Variants in TNNI3 observed in about 807,000 individuals in gnomAD.
The protein encoded by TNNI3 is troponin I, cardiac muscle.
TNNI3 carries 23 observed loss-of-function variants against 31.5 expected under a neutral mutation model. The observed-to-expected ratio is 0.73, with a 90% CI of 0.52 to 1.03. TNNI3 has a LOEUF of 1.03. TNNI3 is among the 50% of genes least tolerant of loss of function. The pLI, the probability that TNNI3 is intolerant of heterozygous loss-of-function variation, is 0.00. For synonymous variants in TNNI3, 120 were observed against 111.7 expected, an observed-to-expected ratio of 1.07 and a Z score of -0.47; for missense variants, 236 against 282.9, an observed-to-expected ratio of 0.83 and a Z score of 1.19.
In TNNI3 at chr19:55,157,541, G is replaced by A; in HGVS notation, c.11+38C>T. 3 of 1,612,668 alleles carry A rather than the reference G, an allele frequency of 1.9e-6. No individual in the cohort carries two copies. The highest frequency in any genetic ancestry group is 1.1e-5 in the South Asian group (1 of 90,952). ...GCGACCCCTCTTGGGAACCCGGGAG[G>A]TCGCCCCCAACTCCCACTGCCTTGG... On this transcript the variant is annotated intron_variant, in intron 1 of 7. Transcript: ENST00000344887. The surrounding 1 kb of genome is among the most constrained non-coding windows in gnomAD (Gnocchi z 6.3).
At chr19:55,155,486 G>C (rs1259915816) in intron 5 of TNNI3, among the ~76,000 whole-genome samples, 1 of 85,276 alleles carries the variant, frequency 1.2e-5, no homozygotes, top group Non-Finnish European at 2.4e-5. Flanking sequence ...GGGTCTGAGG[G>C]AGGAGGGGCT....
intron 7 of TNNI3, among the ~76,000 whole-genome samples, chr19:55,153,413 T>A (rs2085705559): frequency 6.6e-6 from 1 of 152,064 alleles, no homozygotes. Flanking sequence ...CTCACTGTAT[T>A]GCCCAGGCTG....
chr19:55,153,752 A>AATAAAAAAAATTTTTTT (rs2085708157), intron 7 of TNNI3, among the ~76,000 whole-genome samples: 1 of 152,070 alleles, frequency 6.6e-6, no homozygotes, highest in African/African-American at 2.4e-5. Flanking sequence ...AAAAAAGGAA[A>AATAAAAAAAATTTTTTT]TTAAAAAAAA....
chr19:55,154,533 A>T (rs982000422), intron 6 of TNNI3: 2 of 647,158 alleles, frequency 3.1e-6, no homozygotes, highest in African/African-American at 3.6e-5. Flanking sequence ...TTCCCAACCC[A>T]TGGCCTTGCA....
In TNNI3 at chr19:55,157,173, C is replaced by T; in HGVS notation, c.25-40G>A. ...GTGGGGACCCCATCACCACCAAGACCCCACCCAGCCCTTACCGTACCGCAC... is the reference window on the plus strand; with the variant it reads ...GTGGGGACCCCATCACCACCAAGACTCCACCCAGCCCTTACCGTACCGCAC... On this transcript the variant is annotated intron_variant, in intron 2 of 7. Transcript: ENST00000344887. This position sits in a 1 kb window ranked among gnomAD's most constrained non-coding sequence, Gnocchi z 6.3. 1 of 1,588,988 alleles carries T rather than the reference C, an allele frequency of 6.3e-7. No homozygotes were observed. Among genetic ancestry groups the T allele is most frequent in the Non-Finnish European group, 8.6e-7 (1 of 1,168,908 alleles).
intron 7 of TNNI3, among the ~76,000 whole-genome samples, chr19:55,153,411 A>C (rs1461749929): frequency 6.6e-6 from 1 of 150,476 alleles, no homozygotes; most frequent in African/African-American, 2.4e-5. Flanking sequence ...GTCTCACTGT[A>C]TTGCCCAGGC....
chr19:55,156,857 G>T lies in TNNI3; in HGVS notation c.108+193C>A. On this transcript the variant is annotated intron_variant, in intron 3 of 7. Transcript: ENST00000344887. This position sits in a 1 kb window ranked among gnomAD's most constrained non-coding sequence, Gnocchi z 4.6. ...ATAGGCACTTCCCATCTATCCCTAAGCAAGTCCGAGGGCAACGGAGTTCCG... is the reference window on the plus strand; with the variant it reads ...ATAGGCACTTCCCATCTATCCCTAATCAAGTCCGAGGGCAACGGAGTTCCG... 1.2e-6 allele frequency: 1 copy of T among 847,232 alleles called. No individual in the cohort carries two copies. The highest frequency in any genetic ancestry group is 1.9e-6 in the Non-Finnish European group (1 of 524,826). The allele number at this position is 847,232 out of a possible 1,614,324, so 52.5% of individuals were successfully genotyped here. A position where few individuals can be genotyped will look rare whatever the true frequency, so the allele number is the denominator to read the frequency against.
In TNNI3 at chr19:55,154,382, C is replaced by G. The variant is rs1386293399; in HGVS notation, c.373-176G>C. The G allele has an allele frequency of 4.3e-6, 3 of 703,558 alleles. No individual in the cohort carries two copies. In the African/African-American group the frequency reaches 5.3e-5, roughly 12 times the overall value. 43.6% of individuals were successfully genotyped at this position (703,558 alleles called of 1,614,324 possible). A position where few individuals can be genotyped will look rare whatever the true frequency, so the allele number is the denominator to read the frequency against. Reference sequence around the variant, plus strand: ...TCTAATCCTGGAACTGAATCCCCCTCCTCATATGCTCCAGCCTCACCTCTC... The same window carrying G: ...TCTAATCCTGGAACTGAATCCCCCTGCTCATATGCTCCAGCCTCACCTCTC... On this transcript the variant is annotated intron_variant, in intron 6 of 7. Coordinates refer to ENST00000344887, the MANE Select transcript of TNNI3 (RefSeq NM_000363.5).
rs1245427255 is a variant in TNNI3 at position 55,152,271 on chromosome 19, T to C, written c.550-354A>G. On this transcript the variant is annotated intron_variant, in intron 7 of 7. Coordinates refer to ENST00000344887, the MANE Select transcript of TNNI3 (RefSeq NM_000363.5). The surrounding 1 kb of genome is among the most constrained non-coding windows in gnomAD (Gnocchi z 4.0). Reference sequence around the variant, plus strand: ...TGCACTTCCTATCTTTCCCCTCCACTTCCTGTCTGCCTTATGCCCTTCCTG... The same window carrying C: ...TGCACTTCCTATCTTTCCCCTCCACCTCCTGTCTGCCTTATGCCCTTCCTG... 1.3e-5 allele frequency among the ~76,000 whole-genome samples: 2 copies of C among 152,136 alleles called. No individual in the cohort carries two copies. Among genetic ancestry groups the C allele is most frequent in the South Asian group, 2.1e-4 (1 of 4,824 alleles).
chr19:55,157,410 C>T lies in TNNI3; in HGVS notation c.12-102G>A. On this transcript the variant is annotated intron_variant, in intron 1 of 7. Transcript: ENST00000344887. The surrounding 1 kb of genome is among the most constrained non-coding windows in gnomAD (Gnocchi z 6.3). ...CTGAACAAGAGGTCGGGGGACCGCG[C>T]TTCCCCTTCCTTGGGTTCCAGGAGT... 6.3e-7 allele frequency: 1 copy of T among 1,597,530 alleles called. No individual in the cohort carries two copies. The highest frequency in any genetic ancestry group is 8.6e-7 in the Non-Finnish European group (1 of 1,167,166).
chr19:55,154,860 G>C, intron 5 of TNNI3, 30 bp from the exon 6 acceptor site: 2 of 1,607,710 alleles, frequency 1.2e-6, no homozygotes, highest in Non-Finnish European at 1.7e-6. Context: ...TGTGTTGTTG[G>C]GGGAACCAAA....
Position 55,156,753 on chromosome 19 carries a change from C to T in TNNI3, c.109-109G>A. The T allele has an allele frequency of 1.6e-6, 2 of 1,264,824 alleles. No individual in the cohort carries two copies. Among genetic ancestry groups the T allele is most frequent in the South Asian group, 2.6e-5 (2 of 78,272 alleles). The allele number at this position is 1,264,824 out of a possible 1,614,324, so 78.4% of individuals were successfully genotyped here. A position where few individuals can be genotyped will look rare whatever the true frequency, so the allele number is the denominator to read the frequency against. Reference sequence around the variant, plus strand: ...AAACCCAGCCGGTCCAGATTTGGGCCCACGTCCAACTTGAGCCCTGAGTCT... The same window carrying T: ...AAACCCAGCCGGTCCAGATTTGGGCTCACGTCCAACTTGAGCCCTGAGTCT... On this transcript the variant is annotated intron_variant, in intron 3 of 7. Transcript: ENST00000344887. The surrounding 1 kb of genome is among the most constrained non-coding windows in gnomAD (Gnocchi z 4.6).
At position 55,154,121 on chromosome 19, in the gene TNNI3, G is replaced by A. The variant is rs730881073; in HGVS notation, c.458C>T (p.Ala153Val). Residue 153 changes from alanine to valine, a missense_variant, in exon 7 of 8, where the codon GCC (alanine) becomes GTC (valine). Coordinates refer to ENST00000344887, the MANE Select transcript of TNNI3 (RefSeq NM_000363.5). ...GGCCCCCAGCAGCGCCTGCATCATG[G>A]CATCTGCAGAGATCCTCACTCTCCG... ...TLRRVRISAD[A>V]MMQALLGARA... The A allele has an allele frequency of 6.2e-7, 1 of 1,613,172 alleles. No homozygotes were observed. Among genetic ancestry groups the A allele is most frequent in the South Asian group, 1.1e-5 (1 of 91,060 alleles).
At chr19:55,154,529 A>G in intron 6 of TNNI3, 1 of 644,080 alleles carries the variant, frequency 1.6e-6, no homozygotes, top group South Asian at 1.8e-5. Context: ...CTGTTTCCCA[A>G]CCCATGGCCT....
Position 55,157,253 on chromosome 19 carries a change from T to A in TNNI3, c.24+43A>T. 6.2e-7 allele frequency: 1 copy of A among 1,609,862 alleles called. No homozygotes were observed. The highest frequency in any genetic ancestry group is 8.5e-7 in the Non-Finnish European group (1 of 1,178,712). On this transcript the variant is annotated intron_variant, in intron 2 of 7. Transcript: ENST00000344887. This position sits in a 1 kb window ranked among gnomAD's most constrained non-coding sequence, Gnocchi z 6.3. ...AGACCCCTCACTGCAGCGCCCACCC[T>A]GGCCCTGGGGGTCCCAGCCACGCCT...
chr19:55,154,955 G>A (rs1410494565), intron 5 of TNNI3, 125 bp from the exon 6 acceptor site: 5 of 785,746 alleles, frequency 6.4e-6, no homozygotes, highest in Admixed American at 2.1e-5. Flanking sequence ...AAGGGGCTGG[G>A]GGCCTGGACT....
rs2085737482 is a variant in TNNI3 at position 55,157,035 on chromosome 19, G to A, written c.108+15C>T. 1.3e-6 allele frequency: 2 copies of A among 1,576,300 alleles called. No homozygotes were observed. The highest frequency in any genetic ancestry group is 1.2e-5 in the South Asian group (1 of 85,984). ...TCCGGCGCCTGTACTCTGCCCCCAG[G>A]AAGCCCCGTCCCACCTTGGCGTGCG... On this transcript the variant is annotated intron_variant, in intron 3 of 7. Transcript: ENST00000344887. This position sits in a 1 kb window ranked among gnomAD's most constrained non-coding sequence, Gnocchi z 6.3.
intron 7 of TNNI3, among the ~76,000 whole-genome samples, 161 bp downstream of exon 7, chr19:55,153,869 C>T (rs2085710039): frequency 6.3e-5 from 1 of 15,858 alleles, no homozygotes; most frequent in Non-Finnish European, 1.7e-4. Flanking sequence ...CACTTCCTGT[C>T]TTCCCCTTCT....
Position 55,157,259 on chromosome 19 carries a change from TG to T in TNNI3, c.24+36del. On this transcript the variant is annotated intron_variant, in intron 2 of 7. Transcript: ENST00000344887. This position sits in a 1 kb window ranked among gnomAD's most constrained non-coding sequence, Gnocchi z 6.3. ...CTCACTGCAGCGCCCACCCTGGCCCTGGGGGTCCCAGCCACGCCTTAGCCCG... is the reference window on the plus strand; with the variant it reads ...CTCACTGCAGCGCCCACCCTGGCCCTGGGGTCCCAGCCACGCCTTAGCCCG... 1 of 1,610,368 alleles carries T rather than the reference TG, an allele frequency of 6.2e-7. No individual in the cohort carries two copies. The highest frequency in any genetic ancestry group is 8.5e-7 in the Non-Finnish European group (1 of 1,178,958).
Sources: gnomAD v4.1 joint callset for allele counts (sites outside exome capture counted in the v4.1 genomes callset) on GRCh38, gnomAD v4.1.1 for gene constraint, Gnocchi (gnomAD v3.1) non-coding constraint, MANE v1.5 for transcripts, NCBI Gene and HGNC (gene_info 2026-07-23, HGNC 2026-07-21) for gene names.